CTNND2: variants seen among roughly 807,000 people sequenced by gnomAD.
The protein encoded by CTNND2 is catenin delta 2.
CTNND2 carries 22 observed loss-of-function variants against 144.4 expected under a neutral mutation model. That is an observed-to-expected ratio of 0.15 (90% CI 0.11 to 0.22). The LOEUF is 0.22. CTNND2 is among the 10% of genes least tolerant of loss of function. The pLI is 1.00. For missense variants in CTNND2, 1,353 were observed against 1,618.8 expected, an observed-to-expected ratio of 0.84 and a Z score of 2.82; for synonymous variants, 751 against 695.6, an observed-to-expected ratio of 1.08 and a Z score of -1.25.
chr5:11,401,172 T>C (rs1760616900), intron 5 of CTNND2, among the ~76,000 whole-genome samples: 1 of 152,212 alleles, frequency 6.6e-6, no homozygotes, highest in Admixed American at 6.5e-5. Flanking sequence ...GACCCACTTA[T>C]AGGTCATATC....
chr5:11,110,732 T>G, intron 14 of CTNND2, 126 bp downstream of exon 14: 1 of 855,408 alleles, frequency 1.2e-6, no homozygotes. Flanking sequence ...AGGAAAATTG[T>G]GCAGATGCAT....
intron 1 of CTNND2, among the ~76,000 whole-genome samples, chr5:11,853,617 G>A (rs762314759): frequency 6.6e-6 from 1 of 152,256 alleles, no homozygotes; most frequent in Admixed American, 6.5e-5. Flanking sequence ...AGGCCTTGGT[G>A]AACTTGAAAC....
chr5:11,422,490 G>T (rs1762449981), intron 3 of CTNND2, among the ~76,000 whole-genome samples: 1 of 152,158 alleles, frequency 6.6e-6, no homozygotes, highest in Non-Finnish European at 1.5e-5. Flanking sequence ...TGGCACTGGT[G>T]ACTGACAATT....
At chr5:11,199,752 C>T (rs989068052) in intron 10 of CTNND2, 91 bp from the exon 11 acceptor site, 3 of 902,656 alleles carry the variant, frequency 3.3e-6, no homozygotes, top group Non-Finnish European at 5.3e-6. Context: ...TATCTGCTAA[C>T]AATTAATCGC....
At chr5:11,859,010 T>C (rs940251720) in intron 1 of CTNND2, among the ~76,000 whole-genome samples, 1 of 152,232 alleles carries the variant, frequency 6.6e-6, no homozygotes, top group South Asian at 2.1e-4. Flanking sequence ...CCAAGTTAAA[T>C]GCTTTACATG....
chr5:11,814,307 C>T (rs1441437275), intron 1 of CTNND2, among the ~76,000 whole-genome samples: 2 of 152,130 alleles, frequency 1.3e-5, no homozygotes, highest in Non-Finnish European at 2.9e-5. Context: ...AAACTGAAGG[C>T]GTCTTGACAT....
At chr5:11,146,937 GA>G (rs1250053863) in intron 12 of CTNND2, among the ~76,000 whole-genome samples, 2 of 152,204 alleles carry the variant, frequency 1.3e-5, no homozygotes, top group Non-Finnish European at 2.9e-5. Context: ...CTCCAACTGG[GA>G]AGATTTTATG....
At chr5:11,288,671 A>T (rs1273855079) in intron 9 of CTNND2, among the ~76,000 whole-genome samples, 1 of 152,200 alleles carries the variant, frequency 6.6e-6, no homozygotes, top group African/African-American at 2.4e-5. Context: ...GCAGCAGTCT[A>T]GAAAGAAGGA....
chr5:11,543,114 T>C (rs914593176), intron 3 of CTNND2, among the ~76,000 whole-genome samples: 2 of 152,224 alleles, frequency 1.3e-5, no homozygotes, highest in Non-Finnish European at 2.9e-5. Context: ...GCAATCAAAA[T>C]CATCTCATGC....
At chr5:11,086,077 G>T (rs1750105864) in intron 15 of CTNND2, among the ~76,000 whole-genome samples, 1 of 152,138 alleles carries the variant, frequency 6.6e-6, no homozygotes, top group African/African-American at 2.4e-5. Context: ...GGGGTGTGTA[G>T]GTTAGCTGAG....
intron 15 of CTNND2, among the ~76,000 whole-genome samples, chr5:11,087,745 T>A (rs1750330590): frequency 6.6e-6 from 1 of 152,214 alleles, no homozygotes; most frequent in African/African-American, 2.4e-5. Flanking sequence ...TATTGCATGT[T>A]TAGTGTTTTT....
chr5:11,128,152 A>C (rs1754866793), intron 12 of CTNND2, among the ~76,000 whole-genome samples: 1 of 152,064 alleles, frequency 6.6e-6, no homozygotes, highest in African/African-American at 2.4e-5. Context: ...GGAGTCAGAG[A>C]GGTGCAGCAG....
At chr5:11,815,981 C>T (rs145739585) in intron 1 of CTNND2, among the ~76,000 whole-genome samples, 1 of 152,228 alleles carries the variant, frequency 6.6e-6, no homozygotes, top group African/African-American at 2.4e-5. Flanking sequence ...AAGGAGACAG[C>T]ATCTCCTTGT....
intron 13 of CTNND2, among the ~76,000 whole-genome samples, chr5:11,112,568 A>G (rs929850570): frequency 1.1e-4 from 17 of 152,346 alleles, no homozygotes; most frequent in Admixed American, 8.5e-4. Context: ...GGGTTCAGCC[A>G]CCAAGTTTGT....
intron 9 of CTNND2, among the ~76,000 whole-genome samples, chr5:11,303,850 C>A (rs1475314406): frequency 6.6e-6 from 1 of 152,126 alleles, no homozygotes; most frequent in Non-Finnish European, 1.5e-5. Context: ...ATTGTAGCTC[C>A]CATAATTCCC....
At chr5:11,488,946 T>A in intron 3 of CTNND2, among the ~76,000 whole-genome samples, 1 of 152,182 alleles carries the variant, frequency 6.6e-6, no homozygotes, top group Middle Eastern at 3.2e-3. Flanking sequence ...GTGTAGAGTT[T>A]AAGCATTCAC....
At chr5:11,774,561 T>TAAAAAA (rs1202575547) in intron 1 of CTNND2, among the ~76,000 whole-genome samples, 1,909 of 116,116 alleles carry the variant, frequency 0.016, 17 homozygotes, top group Middle Eastern at 0.037. Context: ...AAAAAAAAAT[T>TAAAAAA]AAAAAAAAAA....
rs578184079 is a variant in CTNND2, at chr5:11,625,463, ATAACT to A, written c.175-60412_175-60408del. Among the ~76,000 whole-genome samples, 36 of 151,790 alleles carry A rather than the reference ATAACT, an allele frequency of 2.4e-4. 1 individual carries two copies. In the South Asian group the frequency reaches 7.1e-3, roughly 30 times the overall value. On this transcript the variant is annotated intron_variant, in intron 2 of 21. Transcript: ENST00000304623. ...TCTTACTTCACATCATTTACAAAAA[ATAACT>A]TAAACTAGGTCATAGACTGAAGTGT...
intron 14 of CTNND2, 21 bp from the exon 15 acceptor site, chr5:11,098,769 G>A: frequency 6.2e-7 from 1 of 1,609,658 alleles, no homozygotes; most frequent in Non-Finnish European, 8.5e-7. Flanking sequence ...AAAAACAAGA[G>A]AGCAAACATC....
Sources: allele counts gnomAD v4.1 joint callset (sites outside exome capture counted in the v4.1 genomes callset), GRCh38; gene constraint gnomAD v4.1.1; transcripts MANE v1.5; gene names NCBI Gene and HGNC (gene_info 2026-07-23, HGNC 2026-07-21).